The following PPP4R3A variants were observed in gnomAD, a reference collection of about 807,000 sequenced individuals.
The protein encoded by PPP4R3A is serine/threonine-protein phosphatase 4 regulatory subunit 3A.
PPP4R3A carries 15 observed loss-of-function variants against 91.7 expected under a neutral mutation model. The observed-to-expected ratio is 0.16, with a 90% CI of 0.11 to 0.25. The LOEUF is 0.25. Among genes scored for constraint, PPP4R3A ranks in the 10% least tolerant of loss-of-function variants. The probability of loss-of-function intolerance (pLI) is 1.00; values close to 1 mark genes in which losing one functional copy is unlikely to be tolerated. For synonymous variants in PPP4R3A, 377 were observed against 348.7 expected (o/e 1.08, Z -0.91); for missense variants, 623 against 998.4 (o/e 0.62, Z 5.07).
At chr14:91,477,108 G>GTT in intron 4 of PPP4R3A, 122 bp from the exon 5 acceptor site, 3 of 400,216 alleles carry the variant, frequency 7.5e-6, no homozygotes, top group South Asian at 9.4e-5. Context: ...TGGCAATGCT[G>GTT]TCTTTTTTTT....
chr14:91,469,982 A>G (rs1424515033), intron 10 of PPP4R3A, among the ~76,000 whole-genome samples: 1 of 152,268 alleles, frequency 6.6e-6, no homozygotes, highest in East Asian at 1.9e-4. Context: ...GAAATGAAGT[A>G]AAGAAGATTA....
chr14:91,461,250 G>T (rs1888135963), intron 14 of PPP4R3A, 131 bp downstream of exon 14: 13 of 784,408 alleles, frequency 1.7e-5, no homozygotes, highest in South Asian at 5.9e-5. Context: ...CGGTGGGGGG[G>T]ACTCATCCTC....
In PPP4R3A at chr14:91,481,614, T is replaced by C. The variant is rs757028562; in HGVS notation, c.877A>G (p.Ile293Val). Residue 293 changes from isoleucine to valine, a missense_variant, in exon 4 of 15, where the codon ATC (isoleucine) becomes GTC (valine). Coordinates refer to ENST00000554943, the MANE Select transcript of PPP4R3A (RefSeq NM_001366432.2). ...ACAATCTCTACCTTATTGAAAAAGA[T>C]AAAAGAGTGAAGTGTTGATAACATG... ...ENMLSTLHSF[I>V]FFNKVEIVGM... 20 of 1,594,100 alleles carry C rather than the reference T, an allele frequency of 1.3e-5. No homozygotes were observed. Among genetic ancestry groups the C allele is most frequent in the Non-Finnish European group, 1.6e-5 (19 of 1,173,554 alleles).
At chr14:91,484,479 C>T (rs765775032) in intron 3 of PPP4R3A, among the ~76,000 whole-genome samples, 2 of 152,150 alleles carry the variant, frequency 1.3e-5, no homozygotes, top group African/African-American at 2.4e-5. Flanking sequence ...TGACTACTTC[C>T]GAACTAGAAC....
chr14:91,486,929 G>T (rs1228846401), intron 2 of PPP4R3A, among the ~76,000 whole-genome samples: 117 of 123,432 alleles, frequency 9.5e-4, no homozygotes, highest in African/African-American at 3.1e-3. Context: ...AAAAAATAGA[G>T]AGTCAAAATA....
chr14:91,469,116 T>TA (rs34445337), intron 10 of PPP4R3A, among the ~76,000 whole-genome samples: 25,854 of 133,018 alleles, frequency 0.19, 2,973 homozygotes, highest in Non-Finnish European at 0.26. Flanking sequence ...ATTTTTTCTG[T>TA]AAAAAAAAAA....
chr14:91,459,178 C>T (rs1382613185), intron 14 of PPP4R3A, among the ~76,000 whole-genome samples: 1 of 152,046 alleles, frequency 6.6e-6, no homozygotes, highest in East Asian at 1.9e-4. Flanking sequence ...GATCTCGGCT[C>T]ACTGCAACCT....
At chr14:91,493,177 T>C (rs952343120) in intron 1 of PPP4R3A, among the ~76,000 whole-genome samples, 2 of 151,070 alleles carry the variant, frequency 1.3e-5, no homozygotes, top group African/African-American at 4.9e-5. Flanking sequence ...TCGCTTGAGG[T>C]CAGGAGTTTG....
intron 4 of PPP4R3A, among the ~76,000 whole-genome samples, chr14:91,478,512 G>A (rs1237451887): frequency 6.6e-6 from 1 of 152,234 alleles, no homozygotes; most frequent in African/African-American, 2.4e-5. Context: ...GAAGTGTCCA[G>A]CATCAAGAGA....
chr14:91,471,363 T>C (rs1028825328), intron 9 of PPP4R3A, among the ~76,000 whole-genome samples: 2 of 152,202 alleles, frequency 1.3e-5, no homozygotes, highest in African/African-American at 4.8e-5. Flanking sequence ...ATATAGCATA[T>C]GAGGTTTTGC....
At chr14:91,492,631 T>C (rs889661679) in intron 1 of PPP4R3A, among the ~76,000 whole-genome samples, 2 of 152,218 alleles carry the variant, frequency 1.3e-5, no homozygotes, top group Non-Finnish European at 2.9e-5. Flanking sequence ...CTCTTTCTTA[T>C]CCTTTGAGTG....
intron 5 of PPP4R3A, 127 bp downstream of exon 5, chr14:91,476,782 G>A (rs1470567550): frequency 2.6e-6 from 2 of 774,424 alleles, no homozygotes; most frequent in Admixed American, 2.9e-5. Flanking sequence ...CGCCAGGCTG[G>A]TCTCAAACTT....
chr14:91,470,509 G>A (rs1046194956), intron 10 of PPP4R3A, among the ~76,000 whole-genome samples: 18 of 152,130 alleles, frequency 1.2e-4, no homozygotes, highest in African/African-American at 4.1e-4. Context: ...CTTGTAGGCT[G>A]TACAATCACA....
chr14:91,459,613 G>A (rs1252649423), intron 14 of PPP4R3A, among the ~76,000 whole-genome samples: 1 of 151,954 alleles, frequency 6.6e-6, no homozygotes, highest in African/African-American at 2.4e-5. Flanking sequence ...GATCACATGA[G>A]GACAGGAGTT....
At chr14:91,460,465 G>A (rs1888061710) in intron 14 of PPP4R3A, among the ~76,000 whole-genome samples, 2 of 151,926 alleles carry the variant, frequency 1.3e-5, no homozygotes, top group South Asian at 4.2e-4. Context: ...GGCATTACGT[G>A]TCTGATTTAG....
intron 11 of PPP4R3A, among the ~76,000 whole-genome samples, chr14:91,463,590 T>C (rs1202524800): frequency 6.6e-6 from 1 of 151,858 alleles, no homozygotes; most frequent in East Asian, 1.9e-4. Context: ...TGCACCACCA[T>C]ACGGGGCTAA....
intron 4 of PPP4R3A, among the ~76,000 whole-genome samples, chr14:91,480,567 G>A (rs927590069): frequency 6.6e-6 from 1 of 152,020 alleles, no homozygotes; most frequent in East Asian, 1.9e-4. Flanking sequence ...TTATTTTTTT[G>A]GTAGAGACAG....
intron 1 of PPP4R3A, among the ~76,000 whole-genome samples, chr14:91,504,495 G>T (rs568090361): frequency 2.6e-5 from 4 of 151,810 alleles, no homozygotes; most frequent in Non-Finnish European, 5.9e-5. Context: ...TCAGCTACTC[G>T]TAAGGCTGAG....
In PPP4R3A at chr14:91,475,808, T is replaced by C. The variant is rs1032411908; in HGVS notation, c.1266+3A>G. On this transcript the variant is annotated splice_donor_region_variant and intron_variant, in intron 7 of 14. Transcript: ENST00000554943. ...ACTTACTATTAGTACAAATAATATT[T>C]ACCTTGCTGGTTATTTTTTGCTCTG... The C allele has an allele frequency of 1.2e-6, 2 of 1,611,686 alleles. No individual in the cohort carries two copies. Among genetic ancestry groups the C allele is most frequent in the South Asian group, 2.2e-5 (2 of 90,848 alleles).
Sources: allele counts gnomAD v4.1 joint callset (sites outside exome capture counted in the v4.1 genomes callset), GRCh38; gene constraint gnomAD v4.1.1; transcripts MANE v1.5; gene names NCBI Gene and HGNC (gene_info 2026-07-23, HGNC 2026-07-21).